NSD1: variants seen among roughly 807,000 people sequenced by gnomAD.
The protein encoded by NSD1 is nuclear receptor binding SET domain protein 1.
NSD1 carries 26 observed loss-of-function variants against 242.7 expected under a neutral mutation model. The observed-to-expected ratio is 0.11, with a 90% CI of 0.08 to 0.15. The LOEUF is 0.15. Ranked by LOEUF, NSD1 falls within the 10% of genes least tolerant of loss-of-function variation. The probability of loss-of-function intolerance (pLI) is 1.00; values close to 1 mark genes in which losing one functional copy is unlikely to be tolerated. For synonymous variants in NSD1, 1,106 were observed against 1,178.1 expected, an observed-to-expected ratio of 0.94 and a Z score of 1.25; for missense variants, 2,495 against 3,272.8, an observed-to-expected ratio of 0.76 and a Z score of 5.80.
chr5:177,214,034 CT>C (rs1426201373), intron 5 of NSD1, among the ~76,000 whole-genome samples: 1 of 151,652 alleles, frequency 6.6e-6, no homozygotes, highest in Non-Finnish European at 1.5e-5. Context: ...GAGATTTACT[CT>C]TTAACGGTAT....
chr5:177,138,783 G>A (rs1756563700), intron 2 of NSD1, among the ~76,000 whole-genome samples: 1 of 151,524 alleles, frequency 6.6e-6, no homozygotes, highest in Admixed American at 6.6e-5. Context: ...GGGATTACAG[G>A]TGCGCACCAC....
rs890494172 is a variant in NSD1, at chr5:177,250,991, A to G, written c.4642-739A>G. Among the ~76,000 whole-genome samples, 14 of 152,220 alleles carry G rather than the reference A, an allele frequency of 9.2e-5. No individual in the cohort carries two copies. The East Asian group carries it at 2.7e-3, about 29-fold the overall frequency. ...TGGATCATGAGGTGAGGAGTTTGAG[A>G]CCAGCCTGGCCAACGTGGTGAAACC... is the stretch of plus-strand genomic sequence containing the variant. On this transcript the variant is annotated intron_variant, in intron 11 of 22. Transcript: ENST00000439151.
chr5:177,192,201 G>GT lies in NSD1; in HGVS notation c.1063+194dup, dbSNP rs879690428. 8.3e-3 allele frequency among the ~76,000 whole-genome samples: 1,203 copies of GT among 144,732 alleles called. 4 individuals are homozygous for GT. Among genetic ancestry groups the GT allele is most frequent in the Non-Finnish European group, 0.01 (680 of 65,488 alleles). 94.9% of individuals were successfully genotyped at this position (144,732 alleles called of 152,430 possible). A position where few individuals can be genotyped will look rare whatever the true frequency, so the allele number is the denominator to read the frequency against. On this transcript the variant is annotated intron_variant, in intron 3 of 22. Coordinates refer to ENST00000439151, the MANE Select transcript of NSD1 (RefSeq NM_022455.5). Reference sequence around the variant, plus strand: ...ACTCTATGATTTAAACCTTCTCTCAGTTTTTTTTTTTTGTTTGTTTGTTTT... The same window carrying GT: ...ACTCTATGATTTAAACCTTCTCTCAGTTTTTTTTTTTTTGTTTGTTTGTTTT...
chr5:177,196,753 C>G (rs574282335), intron 3 of NSD1, among the ~76,000 whole-genome samples: 5 of 152,212 alleles, frequency 3.3e-5, no homozygotes, highest in Non-Finnish European at 7.4e-5. Flanking sequence ...CATTTGACAT[C>G]TGTATGAAAG....
At chr5:177,140,478 G>A (rs924012114) in intron 2 of NSD1, among the ~76,000 whole-genome samples, 37 of 152,252 alleles carry the variant, frequency 2.4e-4, no homozygotes, top group African/African-American at 8.7e-4. Context: ...ACTTTGAGTA[G>A]AGGAGATTAG....
rs778789133 is a variant in NSD1, at chr5:177,246,758, A to G, written c.4459A>G (p.Lys1487Glu). Residue 1487 changes from lysine (K) to glutamate (E), a missense_variant, in exon 10 of 23, where the codon AAA becomes GAA. Around this residue, in one of 19 missense-constraint regions of NSD1, gnomAD observed 97 missense variants for 97.7 expected, o/e 0.99. Transcript: ENST00000439151. Reference sequence around the variant, plus strand: ...AGCCAAGATGCAGTGTAAAAAAGTGAAAAATGATGACTCGTCAAAAGAGAT... The same window carrying G: ...AGCCAAGATGCAGTGTAAAAAAGTGGAAAATGATGACTCGTCAAAAGAGAT... ...AAAKMQCKKV[K>E]NDDSSKEIPG... 6.2e-7 allele frequency: 1 copy of G among 1,613,630 alleles called. No individual in the cohort carries two copies. Among genetic ancestry groups the G allele is most frequent in the Admixed American group, 1.7e-5 (1 of 60,022 alleles).
rs1459055822 is a variant in NSD1, at chr5:177,135,091, A to G, written c.-13A>G. 6.2e-7 allele frequency: 1 copy of G among 1,614,006 alleles called. No individual in the cohort carries two copies. The highest frequency in any genetic ancestry group is 8.5e-7 in the Non-Finnish European group (1 of 1,179,860). ...TGCTGTGCTTTTGGATTCCAGGTTG[A>G]TGCCGGCCCAGGATGGATCAGACCT... On this transcript the variant is annotated 5_prime_UTR_variant, in exon 2 of 23. It removes an upstream start codon present in the reference 5' UTR. Coordinates refer to ENST00000439151, the MANE Select transcript of NSD1 (RefSeq NM_022455.5).
intron 2 of NSD1, among the ~76,000 whole-genome samples, chr5:177,152,518 C>T (rs1244088496): frequency 6.1e-5 from 8 of 130,588 alleles, no homozygotes; most frequent in African/African-American, 1.4e-4. Flanking sequence ...CTCCCTCTGT[C>T]GCCAGGTTCA....
At chr5:177,160,512 A>C (rs1271718577) in intron 2 of NSD1, among the ~76,000 whole-genome samples, 3 of 151,934 alleles carry the variant, frequency 2.0e-5, no homozygotes, top group African/African-American at 7.3e-5. Flanking sequence ...CATGTTGGCC[A>C]GGCTGGTCTC....
intron 17 of NSD1, 119 bp downstream of exon 17, chr5:177,273,903 G>C (rs990205467): frequency 1.4e-6 from 1 of 708,906 alleles, no homozygotes; most frequent in East Asian, 2.9e-5. Flanking sequence ...AGAGGTATGA[G>C]CTTAAAAGAA....
chr5:177,178,775 C>A (rs1760417727), intron 2 of NSD1, among the ~76,000 whole-genome samples: 1 of 152,060 alleles, frequency 6.6e-6, no homozygotes, highest in Admixed American at 6.6e-5. Flanking sequence ...TGGTTTAGCA[C>A]ATTTTTATTG....
At chr5:177,277,216 A>G (rs947943470) in intron 17 of NSD1, among the ~76,000 whole-genome samples, 2 of 151,652 alleles carry the variant, frequency 1.3e-5, no homozygotes, top group African/African-American at 4.9e-5. Flanking sequence ...AATGTGGTCT[A>G]CTGCCTATTC....
At chr5:177,281,333 CTTT>C (rs11384478) in intron 18 of NSD1, among the ~76,000 whole-genome samples, 2 of 142,060 alleles carry the variant, frequency 1.4e-5, no homozygotes, top group African/African-American at 5.4e-5. Flanking sequence ...ATTGTATAGT[CTTT>C]TTTTTTTTTT....
chr5:177,137,600 A>T (rs1756444756), intron 2 of NSD1, among the ~76,000 whole-genome samples: 1 of 152,146 alleles, frequency 6.6e-6, no homozygotes, highest in African/African-American at 2.4e-5. Context: ...TTGAAAACCT[A>T]TTGGCAGCTC....
chr5:177,158,007 C>T (rs376590228), intron 2 of NSD1, among the ~76,000 whole-genome samples: 3 of 152,204 alleles, frequency 2.0e-5, no homozygotes, highest in South Asian at 4.1e-4. Flanking sequence ...CATCACTTGA[C>T]GGACATTTTG....
chr5:177,166,404 C>T (rs1759200625), intron 2 of NSD1, among the ~76,000 whole-genome samples: 1 of 151,778 alleles, frequency 6.6e-6, no homozygotes, highest in South Asian at 2.1e-4. Flanking sequence ...AAAAATTAGC[C>T]AAGTGTGGTG....
chr5:177,146,892 A>G (rs1196851565), intron 2 of NSD1, among the ~76,000 whole-genome samples: 1 of 151,824 alleles, frequency 6.6e-6, no homozygotes, highest in Non-Finnish European at 1.5e-5. Flanking sequence ...CTGTAATCCT[A>G]GCTACTCGGG....
At chr5:177,142,787 CT>C (rs754312929) in intron 2 of NSD1, among the ~76,000 whole-genome samples, 11 of 152,128 alleles carry the variant, frequency 7.2e-5, no homozygotes, top group Non-Finnish European at 1.3e-4. Context: ...ATGAGAAATA[CT>C]GGGTCTCTAC....
chr5:177,231,672 G>A (rs538585403), intron 5 of NSD1, among the ~76,000 whole-genome samples: 1 of 152,050 alleles, frequency 6.6e-6, no homozygotes, highest in South Asian at 2.1e-4. Flanking sequence ...CGCCCACCTT[G>A]GCCTCCCAAA....
Sources: gnomAD v4.1 joint callset for allele counts (sites outside exome capture counted in the v4.1 genomes callset) on GRCh38, gnomAD v4.1.1 for gene constraint, gnomAD v4.1.1 regional missense constraint, MANE v1.5 for transcripts, NCBI Gene and HGNC (gene_info 2026-07-23, HGNC 2026-07-21) for gene names.